The following PDZRN4 variants were observed in gnomAD, a reference collection of about 807,000 sequenced individuals.
The protein encoded by PDZRN4 is PDZ domain containing ring finger 4.
In PDZRN4, 70 loss-of-function variants were observed where a neutral mutation model predicts 99.0. The observed-to-expected ratio is 0.71, with a 90% CI of 0.58 to 0.86. The LOEUF (loss-of-function observed/expected upper bound fraction) is 0.86, where lower values mean the gene tolerates loss of function less well. Among genes scored for constraint, PDZRN4 ranks in the 40% least tolerant of loss-of-function variants. PDZRN4 has a pLI of 0.00. For synonymous variants in PDZRN4, 551 were observed against 501.6 expected, an observed-to-expected ratio of 1.10 and a Z score of -1.32; for missense variants, 1,474 against 1,331.2, an observed-to-expected ratio of 1.11 and a Z score of -1.67.
chr12:41,417,133 G>T (rs1280559821), intron 3 of PDZRN4, among the ~76,000 whole-genome samples: 1 of 152,126 alleles, frequency 6.6e-6, no homozygotes, highest in Non-Finnish European at 1.5e-5. Context: ...TTCTTACTCG[G>T]AAAGGAAATT....
At chr12:41,470,178 G>A (rs1384638529) in intron 3 of PDZRN4, among the ~76,000 whole-genome samples, 3 of 152,020 alleles carry the variant, frequency 2.0e-5, no homozygotes, top group African/African-American at 7.2e-5. Context: ...TTTCAGTTTT[G>A]TGGATACAAT....
chr12:41,314,663 T>A (rs1951627432), intron 3 of PDZRN4, among the ~76,000 whole-genome samples: 1 of 151,926 alleles, frequency 6.6e-6, no homozygotes, highest in Admixed American at 6.6e-5. Flanking sequence ...TGGGTAAGAG[T>A]GGAATGTTTG....
At chr12:41,532,822 T>C (rs11615811) in intron 5 of PDZRN4, among the ~76,000 whole-genome samples, 8,737 of 152,280 alleles carry the variant, frequency 0.057, 336 homozygotes, top group Middle Eastern at 0.085. Context: ...GTATTCTAAA[T>C]TGCTTGTAAC....
At chr12:41,240,003 A>G (rs7961657) in intron 3 of PDZRN4, among the ~76,000 whole-genome samples, 101,973 of 152,038 alleles carry the variant, frequency 0.67, 34,327 homozygotes, top group South Asian at 0.73. Context: ...TTAAAGGCAC[A>G]TATTGCCCAC....
At chr12:41,283,206 C>T (rs952561294) in intron 3 of PDZRN4, among the ~76,000 whole-genome samples, 2 of 152,054 alleles carry the variant, frequency 1.3e-5, no homozygotes, top group African/African-American at 4.8e-5. Flanking sequence ...CACAGAAATA[C>T]AAACTACCGT....
In PDZRN4 at chr12:41,223,980, G is replaced by A. The variant is rs561280633; in HGVS notation, c.843+29792G>A. 5.9e-5 allele frequency among the ~76,000 whole-genome samples: 9 copies of A among 152,334 alleles called. No homozygotes were observed. The East Asian group carries it at 1.7e-3, about 29-fold the overall frequency. On this transcript the variant is annotated intron_variant, in intron 3 of 9. Coordinates refer to ENST00000402685, the MANE Select transcript of PDZRN4 (RefSeq NM_001164595.2). ...CACTAAAGAGGCCTCTGACCAGAAG[G>A]GTCCTGGACATGGTAGGAGGGGGAC... is the stretch of plus-strand genomic sequence containing the variant.
chr12:41,356,575 A>G (rs2121050059), intron 3 of PDZRN4, among the ~76,000 whole-genome samples: 1 of 152,140 alleles, frequency 6.6e-6, no homozygotes, highest in Middle Eastern at 3.4e-3. Flanking sequence ...AATTTCAACC[A>G]CCAAGATAAT....
chr12:41,273,860 A>G (rs1951332532), intron 3 of PDZRN4, among the ~76,000 whole-genome samples: 1 of 152,110 alleles, frequency 6.6e-6, no homozygotes, highest in Admixed American at 6.6e-5. Flanking sequence ...AGCAGATGCC[A>G]AAGAACTAGT....
At chr12:41,198,986 C>T (rs574638704) in intron 3 of PDZRN4, among the ~76,000 whole-genome samples, 11 of 152,024 alleles carry the variant, frequency 7.2e-5, no homozygotes, top group African/African-American at 1.4e-4. Context: ...GTAGTTGTCA[C>T]GTTTATTTAG....
intron 3 of PDZRN4, among the ~76,000 whole-genome samples, chr12:41,330,464 C>T (rs542728589): frequency 1.4e-5 from 2 of 142,706 alleles, no homozygotes; most frequent in South Asian, 4.5e-4. Flanking sequence ...AATCATATAA[C>T]TTGCAGTTCT....
chr12:41,504,071 C>T (rs1018741934), intron 3 of PDZRN4, among the ~76,000 whole-genome samples: 11 of 151,846 alleles, frequency 7.2e-5, no homozygotes, highest in Non-Finnish European at 1.5e-5. Context: ...GAGTTAGAGA[C>T]CATCCTGGCC....
intron 3 of PDZRN4, among the ~76,000 whole-genome samples, chr12:41,494,576 G>A (rs768695857): frequency 6.7e-6 from 1 of 149,890 alleles, no homozygotes; most frequent in Admixed American, 6.6e-5. Context: ...TATTTTAAAT[G>A]CATTTACTTT....
intron 3 of PDZRN4, among the ~76,000 whole-genome samples, chr12:41,257,346 G>A (rs542545651): frequency 6.6e-6 from 1 of 152,274 alleles, no homozygotes; most frequent in African/African-American, 2.4e-5. Flanking sequence ...CAGCTCAGAG[G>A]CCTCTTTCAT....
intron 5 of PDZRN4, among the ~76,000 whole-genome samples, chr12:41,516,436 G>A (rs1045814340): frequency 1.6e-4 from 25 of 152,064 alleles, no homozygotes; most frequent in African/African-American, 6.0e-4. Context: ...TAAATTGGGG[G>A]AGAGGAGAAG....
chr12:41,385,802 C>G (rs1341813265), intron 3 of PDZRN4, among the ~76,000 whole-genome samples: 1 of 152,120 alleles, frequency 6.6e-6, no homozygotes, highest in African/African-American at 2.4e-5. Context: ...GGACTCCTCC[C>G]TAACTCATTC....
At chr12:41,349,907 G>A (rs1027007422) in intron 3 of PDZRN4, among the ~76,000 whole-genome samples, 1 of 151,830 alleles carries the variant, frequency 6.6e-6, no homozygotes, top group Non-Finnish European at 1.5e-5. Flanking sequence ...AAAATTATAT[G>A]AGGAATTATA....
intron 3 of PDZRN4, among the ~76,000 whole-genome samples, chr12:41,299,716 A>G (rs1000386996): frequency 9.5e-6 from 1 of 104,982 alleles, no homozygotes; most frequent in Non-Finnish European, 2.4e-5. Context: ...ACTTTATAAA[A>G]TTGAGTTAGT....
chr12:41,319,760 T>TA (rs1303086575), intron 3 of PDZRN4, among the ~76,000 whole-genome samples: 3 of 152,172 alleles, frequency 2.0e-5, no homozygotes, highest in East Asian at 3.9e-4. Flanking sequence ...TTCCTAGAGG[T>TA]AAAAAACAAC....
intron 3 of PDZRN4, among the ~76,000 whole-genome samples, chr12:41,330,908 T>C (rs1951737776): frequency 6.6e-6 from 1 of 152,128 alleles, no homozygotes; most frequent in Non-Finnish European, 1.5e-5. Context: ...CTTTAGCTCA[T>C]ATCATTAAAA....
Sources: gnomAD v4.1 joint callset for allele counts (sites outside exome capture counted in the v4.1 genomes callset) on GRCh38, gnomAD v4.1.1 for gene constraint, MANE v1.5 for transcripts, NCBI Gene and HGNC (gene_info 2026-07-23, HGNC 2026-07-21) for gene names.